The following USP32 variants were observed in gnomAD, a reference collection of about 807,000 sequenced individuals.
USP32 encodes the protein ubiquitin carboxyl-terminal hydrolase 32.
Under a neutral mutation model 204.8 loss-of-function variants are expected in USP32, and 59 were observed. The observed-to-expected ratio is 0.29, with a 90% confidence interval of 0.23 to 0.36. USP32 has a LOEUF of 0.36. Ranked by LOEUF, USP32 falls within the 10% of genes least tolerant of loss-of-function variation. The pLI is 1.00. For missense variants in USP32, 1,160 were observed against 1,946.4 expected (o/e 0.60, Z 7.60); for synonymous variants, 517 against 678.4 (o/e 0.76, Z 3.70).
At chr17:60,385,223 A>T (rs540653972) in intron 1 of USP32, among the ~76,000 whole-genome samples, 2 of 152,216 alleles carry the variant, frequency 1.3e-5, no homozygotes, top group African/African-American at 4.8e-5. Flanking sequence ...TGCCTGCAAG[A>T]GAAAAACCCC....
chr17:60,276,457 C>T lies in USP32; in HGVS notation c.572-4976G>A, dbSNP rs932994725. Among the ~76,000 whole-genome samples, 3 of 152,216 alleles carry T rather than the reference C, an allele frequency of 2.0e-5. No individual in the cohort carries two copies. The South Asian group carries it at 6.2e-4, about 32-fold the overall frequency. On this transcript the variant is annotated intron_variant, in intron 5 of 33. Transcript: ENST00000300896. ...AAAAGAAAAAGAAGCCTCTTTCATT[C>T]CTCCAGAGAAACACTAGCTTTTTCA...
At chr17:60,268,893 T>C (rs1380629368) in intron 7 of USP32, among the ~76,000 whole-genome samples, 1 of 152,104 alleles carries the variant, frequency 6.6e-6, no homozygotes, top group Non-Finnish European at 1.5e-5. Flanking sequence ...TATATTTGAG[T>C]TAGGTTCCAA....
At chr17:60,332,465 T>C (rs577160816) in intron 2 of USP32, among the ~76,000 whole-genome samples, 55 of 151,588 alleles carry the variant, frequency 3.6e-4, no homozygotes, top group Non-Finnish European at 5.2e-4. Flanking sequence ...CTGGCCAACA[T>C]AGTGAAACCA....
intron 2 of USP32, chr17:60,316,147 C>A: frequency 3.7e-6 from 1 of 271,924 alleles, no homozygotes; most frequent in Non-Finnish European, 7.3e-6. Context: ...CTCTGCTATC[C>A]ATGCCAAACA....
intron 1 of USP32, among the ~76,000 whole-genome samples, chr17:60,387,718 T>C (rs77462919): frequency 0.018 from 2,679 of 152,250 alleles, 82 homozygotes; most frequent in African/African-American, 0.06. Context: ...GAAAATATCA[T>C]TAAGTCAAAA....
chr17:60,267,034 C>T (rs903182522), intron 7 of USP32, among the ~76,000 whole-genome samples: 2 of 151,702 alleles, frequency 1.3e-5, no homozygotes, highest in African/African-American at 4.8e-5. Context: ...AGTGATCCAC[C>T]GGCCTTGGCC....
chr17:60,332,254 A>G lies in USP32; in HGVS notation c.186+13227T>C, dbSNP rs112103106. ...GGTGACAGAGCGAGATGCTGTCTCA[A>G]GAAAGAAAAAAGTGTACAGTCAATC... On this transcript the variant is annotated intron_variant, in intron 2 of 33. Coordinates refer to ENST00000300896, the MANE Select transcript of USP32 (RefSeq NM_032582.4). Among the ~76,000 whole-genome samples, 609 of 152,194 alleles carry G rather than the reference A, an allele frequency of 4.0e-3. 4 individuals are homozygous for G. The highest frequency in any genetic ancestry group is 0.014 in the African/African-American group (591 of 41,526).
At chr17:60,254,959 T>C (rs1346184018) in intron 10 of USP32, among the ~76,000 whole-genome samples, 2 of 152,100 alleles carry the variant, frequency 1.3e-5, no homozygotes, top group Non-Finnish European at 2.9e-5. Flanking sequence ...TAATGAGTTA[T>C]AATAATCTAC....
rs2086722116 is a variant in USP32, at chr17:60,271,432, C to T, written c.621G>A (p.Lys207=). The stretch of plus-strand genomic sequence containing the variant: ...CAAATCGTCCAGTCCGGGATTGAGC[C>T]TTCAATAACCAATAGCGTTTCTCAA... The part of the protein sequence containing the change: ...IDLEKRYWLL[K]AQSRTGRFDL... The change falls in exon 6 of 34, where the codon AAG becomes AAA. Residue 207 remains lysine (K), a synonymous_variant. Transcript: ENST00000300896. 1.2e-6 allele frequency: 2 copies of T among 1,614,110 alleles called. No homozygotes were observed. Among genetic ancestry groups the T allele is most frequent in the East Asian group, 2.2e-5 (1 of 44,868 alleles).
At chr17:60,189,127 C>G (rs2084317731) in intron 29 of USP32, among the ~76,000 whole-genome samples, 1 of 152,238 alleles carries the variant, frequency 6.6e-6, no homozygotes, top group South Asian at 2.1e-4. Flanking sequence ...ATGAATCTAT[C>G]AACTAGTAAA....
chr17:60,227,113 C>T (rs976702619), intron 12 of USP32, among the ~76,000 whole-genome samples: 12 of 149,302 alleles, frequency 8.0e-5, no homozygotes, highest in South Asian at 2.1e-4. Context: ...TGCTAATATG[C>T]TAATCTAACA....
intron 1 of USP32, among the ~76,000 whole-genome samples, chr17:60,389,738 CG>C (rs1255790570): frequency 6.6e-6 from 1 of 151,764 alleles, no homozygotes; most frequent in Non-Finnish European, 1.5e-5. Context: ...TCATGCCGGC[CG>C]GGCGCGGTGG....
At chr17:60,221,508 CTTTTT>C (rs938743111) in intron 15 of USP32, among the ~76,000 whole-genome samples, 1 of 142,218 alleles carries the variant, frequency 7.0e-6, no homozygotes, top group Non-Finnish European at 1.5e-5. Context: ...GTGTTTCTTT[CTTTTT>C]TTTTTTTTTG....
chr17:60,235,302 C>G (rs1011631289), intron 12 of USP32, among the ~76,000 whole-genome samples: 2 of 152,238 alleles, frequency 1.3e-5, no homozygotes, highest in African/African-American at 4.8e-5. Context: ...CACATACCAT[C>G]ATTATCTACC....
chr17:60,319,202 G>A (rs1025603143), intron 2 of USP32, among the ~76,000 whole-genome samples: 1 of 152,160 alleles, frequency 6.6e-6, no homozygotes, highest in Non-Finnish European at 1.5e-5. Flanking sequence ...TGTAGTTAGT[G>A]TCTGTGAACT....
intron 2 of USP32, among the ~76,000 whole-genome samples, chr17:60,332,521 G>T (rs1344651645): frequency 6.6e-6 from 1 of 151,944 alleles, no homozygotes; most frequent in African/African-American, 2.4e-5. Context: ...GGTGGTGGGC[G>T]CCTGTGATCC....
In USP32 at chr17:60,178,452, A is replaced by C. The variant is rs1339245090; in HGVS notation, c.*803T>G. The stretch of plus-strand genomic sequence containing the variant: ...ATGGGTGGGGCCGGGGGTGCAGAAT[A>C]CATTTCTGAGGATACTTGAAGTATC... On this transcript the variant is annotated 3_prime_UTR_variant, in exon 34 of 34. Transcript: ENST00000300896. Among the ~76,000 whole-genome samples the C allele has an allele frequency of 2.0e-5, 3 of 152,150 alleles. No homozygotes were observed. Among genetic ancestry groups the C allele is most frequent in the Admixed American group, 2.0e-4 (3 of 15,270 alleles).
At chr17:60,233,778 T>A (rs546757695) in intron 12 of USP32, among the ~76,000 whole-genome samples, 1 of 152,310 alleles carries the variant, frequency 6.6e-6, no homozygotes, top group Non-Finnish European at 1.5e-5. Flanking sequence ...TGTCTCTTTA[T>A]TTAGTAAAAA....
intron 2 of USP32, among the ~76,000 whole-genome samples, chr17:60,314,128 C>CTTTTTTTT (rs35830572): frequency 1.7e-4 from 9 of 52,830 alleles, no homozygotes; most frequent in African/African-American, 3.9e-4. Flanking sequence ...TATTGTGTGG[C>CTTTTTTTT]TTTTTTTTTT....
Sources: gnomAD v4.1 joint callset for allele counts (sites outside exome capture counted in the v4.1 genomes callset) on GRCh38, gnomAD v4.1.1 for gene constraint, MANE v1.5 for transcripts, NCBI Gene and HGNC (gene_info 2026-07-23, HGNC 2026-07-21) for gene names.